Variants in RBFOX2 observed in about 807,000 individuals in gnomAD.
RBFOX2 encodes RNA binding protein fox-1 homolog 2.
RBFOX2 carries 10 observed loss-of-function variants against 49.1 expected under a neutral mutation model. The ratio of observed to expected loss-of-function variants is 0.20; its 90% CI spans 0.13 to 0.35. The LOEUF (loss-of-function observed/expected upper bound fraction) is 0.35, where lower values mean the gene tolerates loss of function less well. Among genes scored for constraint, RBFOX2 ranks in the 10% least tolerant of loss-of-function variants. The probability of loss-of-function intolerance (pLI) is 1.00; values close to 1 mark genes in which losing one functional copy is unlikely to be tolerated. For missense variants in RBFOX2, 323 were observed against 486.9 expected, an observed-to-expected ratio of 0.66 and a Z score of 3.17; for synonymous variants, 183 against 187.4, an observed-to-expected ratio of 0.98 and a Z score of 0.19.
chr22:35,930,194 T>C lies in RBFOX2; in HGVS notation c.-34+8653A>G, dbSNP rs867670286. Among the ~76,000 whole-genome samples the C allele has an allele frequency of 3.3e-5, 5 of 151,928 alleles. No homozygotes were observed. In the South Asian group the frequency reaches 1.0e-3, roughly 32 times the overall value. On this transcript the variant is annotated intron_variant, in intron 1 of 13. Transcript: ENST00000359369. ...CGCCACCATGCCCCACTAATTTTTG[T>C]ATTTTTAGTAGAGATAGGGTTTCCC...
chr22:35,878,038 C>CACA (rs1417312964), intron 1 of RBFOX2, among the ~76,000 whole-genome samples: 4 of 76,372 alleles, frequency 5.2e-5, no homozygotes, highest in Admixed American at 3.2e-4. Flanking sequence ...ACTACTACTA[C>CACA]TACACACACA....
At chr22:36,007,643 T>C (rs893410805) in intron 1 of RBFOX2, among the ~76,000 whole-genome samples, 1 of 152,190 alleles carries the variant, frequency 6.6e-6, no homozygotes, top group Non-Finnish European at 1.5e-5. Context: ...AAATTAAGTC[T>C]TTACCTATAC....
At chr22:35,837,732 G>A (rs924547448) in intron 1 of RBFOX2, among the ~76,000 whole-genome samples, 17 of 152,110 alleles carry the variant, frequency 1.1e-4, no homozygotes, top group Non-Finnish European at 1.9e-4. Flanking sequence ...TTCAGGATGG[G>A]CAAAAACTCA....
At chr22:35,900,914 T>C (rs887602662) in intron 1 of RBFOX2, among the ~76,000 whole-genome samples, 1 of 152,306 alleles carries the variant, frequency 6.6e-6, no homozygotes, top group East Asian at 1.9e-4. Flanking sequence ...GGAGAAGGCG[T>C]AGATATGGCT....
chr22:35,995,019 G>T (rs974560788), intron 1 of RBFOX2: 4 of 152,176 alleles, frequency 2.6e-5, no homozygotes, highest in Non-Finnish European at 1.5e-5. Context: ...TATCTCATTT[G>T]AGCAGGTCCC....
chr22:35,979,869 CT>C (rs1395777952), intron 1 of RBFOX2, among the ~76,000 whole-genome samples: 1 of 152,200 alleles, frequency 6.6e-6, no homozygotes, highest in African/African-American at 2.4e-5. Context: ...ACTCTGGAGC[CT>C]TTAATCTACT....
At chr22:35,969,905 T>C (rs1475241568) in intron 1 of RBFOX2, among the ~76,000 whole-genome samples, 1 of 152,224 alleles carries the variant, frequency 6.6e-6, no homozygotes, top group Non-Finnish European at 1.5e-5. Flanking sequence ...TGTGTGACAC[T>C]GTGCATGTGC....
chr22:35,946,353 C>A (rs1458086228), intron 1 of RBFOX2, among the ~76,000 whole-genome samples: 1 of 152,144 alleles, frequency 6.6e-6, no homozygotes, highest in Non-Finnish European at 1.5e-5. Context: ...TGGACGGAAC[C>A]TTGGGAGTTG....
At chr22:35,763,400 A>G (rs1939672817) in intron 6 of RBFOX2, among the ~76,000 whole-genome samples, 1 of 152,050 alleles carries the variant, frequency 6.6e-6, no homozygotes, top group Non-Finnish European at 1.5e-5. Flanking sequence ...CGTCTCTACT[A>G]AAAATACAAA....
At chr22:35,909,649 GT>G (rs2049542956) in intron 1 of RBFOX2, among the ~76,000 whole-genome samples, 2 of 152,170 alleles carry the variant, frequency 1.3e-5, no homozygotes, top group Admixed American at 6.5e-5. Flanking sequence ...TAACATGTGA[GT>G]CCCCCTGTTG....
intron 1 of RBFOX2, among the ~76,000 whole-genome samples, chr22:35,979,057 T>G (rs1569517479): frequency 6.6e-6 from 1 of 152,282 alleles, no homozygotes; most frequent in East Asian, 1.9e-4. Context: ...TTAACAATAT[T>G]ACTGACAGTG....
intron 1 of RBFOX2, among the ~76,000 whole-genome samples, chr22:35,974,055 C>A (rs2057020324): frequency 6.6e-6 from 1 of 152,120 alleles, no homozygotes; most frequent in Admixed American, 6.5e-5. Context: ...GAGATCTGGC[C>A]CACTCCTGAA....
chr22:36,016,823 T>C (rs1490712624), intron 1 of RBFOX2, among the ~76,000 whole-genome samples: 1 of 152,240 alleles, frequency 6.6e-6, no homozygotes, highest in Non-Finnish European at 1.5e-5. Context: ...CCTTGAATTT[T>C]TGGCAGAAAT....
chr22:36,018,621 G>C (rs2059132800), intron 1 of RBFOX2, among the ~76,000 whole-genome samples: 1 of 152,018 alleles, frequency 6.6e-6, no homozygotes, highest in Non-Finnish European at 1.5e-5. Flanking sequence ...TGACTCTTTT[G>C]TTTTATTTTT....
At chr22:35,972,018 A>C (rs192778171) in intron 1 of RBFOX2, among the ~76,000 whole-genome samples, 6 of 151,238 alleles carry the variant, frequency 4.0e-5, no homozygotes, top group Non-Finnish European at 1.5e-5. Flanking sequence ...CTTCCTTCCA[A>C]ATCACCCTTC....
intron 1 of RBFOX2, among the ~76,000 whole-genome samples, chr22:35,879,861 G>C (rs1374306145): frequency 6.6e-6 from 1 of 152,122 alleles, no homozygotes; most frequent in Non-Finnish European, 1.5e-5. Context: ...GGATAGAAGT[G>C]GCAGAGCTAG....
intron 1 of RBFOX2, among the ~76,000 whole-genome samples, chr22:35,910,877 T>C (rs748341306): frequency 1.3e-5 from 2 of 152,240 alleles, no homozygotes; most frequent in African/African-American, 2.4e-5. Flanking sequence ...TTAAAATTAG[T>C]ACATGCCAAA....
At chr22:35,901,977 G>A (rs1183956158) in intron 1 of RBFOX2, among the ~76,000 whole-genome samples, 1 of 152,018 alleles carries the variant, frequency 6.6e-6, no homozygotes, top group Non-Finnish European at 1.5e-5. Flanking sequence ...CTACTCAGGA[G>A]GCTGAGGCAG....
intron 1 of RBFOX2, among the ~76,000 whole-genome samples, chr22:36,019,145 A>C (rs2146498569): frequency 6.6e-6 from 1 of 152,306 alleles, no homozygotes; most frequent in East Asian, 1.9e-4. Context: ...CAGCCAGTGA[A>C]TCTGTCACCC....
Sources: gnomAD v4.1 joint callset for allele counts (sites outside exome capture counted in the v4.1 genomes callset) on GRCh38, gnomAD v4.1.1 for gene constraint, MANE v1.5 for transcripts, NCBI Gene and HGNC (gene_info 2026-07-23, HGNC 2026-07-21) for gene names.